The following INTS15 variants were observed in gnomAD, a reference collection of about 807,000 sequenced individuals.
INTS15 encodes uncharacterized protein C7orf26.
chr7:6,591,637 C>G, the INTS15 span: 3 of 1,612,498 alleles, frequency 1.9e-6, no homozygotes, highest in Admixed American at 1.7e-5. Flanking sequence ...TCCGGGATTT[C>G]TTTTGCAGAG....
At chr7:6,604,511 C>G in the INTS15 span, among the ~76,000 whole-genome samples, 1 of 152,046 alleles carries the variant, frequency 6.6e-6, no homozygotes, top group African/African-American at 2.4e-5. Context: ...CCTTCAGAGC[C>G]CTCACACTGG....
chr7:6,604,133 T>G, the INTS15 span, among the ~76,000 whole-genome samples: 1 of 152,214 alleles, frequency 6.6e-6, no homozygotes, highest in African/African-American at 2.4e-5. Flanking sequence ...TGGAGTGCAG[T>G]GGCACGATCT....
At chr7:6,590,573 G>A in the INTS15 span, 12 of 1,395,852 alleles carry the variant, frequency 8.6e-6, no homozygotes, top group African/African-American at 4.6e-5. Context: ...GGCGCCCCAT[G>A]TCCAGGATCC....
the INTS15 span, chr7:6,602,187 G>T: frequency 6.4e-7 from 1 of 1,550,548 alleles, no homozygotes; most frequent in Non-Finnish European, 8.8e-7. Flanking sequence ...CTGGAGCAGG[G>T]TGGAGGGAGG....
the INTS15 span, chr7:6,602,253 A>C: frequency 1.3e-6 from 1 of 799,828 alleles, no homozygotes; most frequent in Admixed American, 2.6e-5. Flanking sequence ...CAGTAAGCAC[A>C]TGATGATAAG....
the INTS15 span, chr7:6,602,538 G>A: frequency 1.5e-5 from 6 of 391,996 alleles, no homozygotes; most frequent in South Asian, 7.7e-5. Flanking sequence ...CAGGCGGCAC[G>A]GACCTGGGTT....
At chr7:6,591,522 C>T in the INTS15 span, 1 of 799,906 alleles carries the variant, frequency 1.3e-6, no homozygotes, top group Non-Finnish European at 2.1e-6. Flanking sequence ...CCTTGGCCTC[C>T]CAAAGTGCTG....
At chr7:6,605,274 C>A in the INTS15 span, among the ~76,000 whole-genome samples, 1 of 152,154 alleles carries the variant, frequency 6.6e-6, no homozygotes, top group Admixed American at 6.6e-5. Flanking sequence ...CAGGCATGAG[C>A]CACTGTACCT....
At chr7:6,594,443 C>A in the INTS15 span, 3 of 1,614,022 alleles carry the variant, frequency 1.9e-6, no homozygotes, top group Non-Finnish European at 2.5e-6. Flanking sequence ...AGCGGACGCC[C>A]GTGGTTTACT....
At chr7:6,602,800 G>T in the INTS15 span, 1 of 468,566 alleles carries the variant, frequency 2.1e-6, no homozygotes, top group Non-Finnish European at 4.4e-6. Context: ...TCCGGGCCTT[G>T]CCACTTCCAA....
chr7:6,604,164 C>T, the INTS15 span, among the ~76,000 whole-genome samples: 4 of 152,142 alleles, frequency 2.6e-5, no homozygotes, highest in Non-Finnish European at 2.9e-5. Context: ...CAAGCCTCTG[C>T]GTCCTGGGCT....
chr7:6,604,568 G>A, the INTS15 span, among the ~76,000 whole-genome samples: 1 of 152,144 alleles, frequency 6.6e-6, no homozygotes, highest in Admixed American at 6.6e-5. Flanking sequence ...TTGGTGAGCA[G>A]TGTGGACAGA....
the INTS15 span, chr7:6,600,028 C>G: frequency 6.2e-7 from 1 of 1,614,134 alleles, no homozygotes; most frequent in Non-Finnish European, 8.5e-7. Context: ...AAAAGAAGCC[C>G]CCCTTATCCA....
the INTS15 span, among the ~76,000 whole-genome samples, chr7:6,598,819 C>G: frequency 2.2e-5 from 3 of 135,296 alleles, no homozygotes; most frequent in Non-Finnish European, 4.6e-5. Context: ...CAGGATCTCA[C>G]TCTGTTGCTC....
the INTS15 span, chr7:6,594,392 T>A: frequency 1.4e-4 from 218 of 1,608,114 alleles, 2 homozygotes; most frequent in Non-Finnish European, 1.7e-6. Context: ...GTCTACTCAC[T>A]CACGACATCT....
the INTS15 span, among the ~76,000 whole-genome samples, chr7:6,604,291 G>A: frequency 6.6e-6 from 1 of 152,140 alleles, no homozygotes; most frequent in Non-Finnish European, 1.5e-5. Context: ...TTACTAACTA[G>A]CAAAGAACTG....
the INTS15 span, chr7:6,602,135 T>C: frequency 6.8e-6 from 11 of 1,612,870 alleles, no homozygotes; most frequent in Non-Finnish European, 9.3e-6. Flanking sequence ...GGCTGCCCCA[T>C]AATAAGTAAG....
At chr7:6,600,011 A>G in the INTS15 span, 1 of 1,614,134 alleles carries the variant, frequency 6.2e-7, no homozygotes, top group Non-Finnish European at 8.5e-7. Flanking sequence ...CCTGGCTTAT[A>G]AAAGGAAAAA....
At chr7:6,598,754 T>C in the INTS15 span, among the ~76,000 whole-genome samples, 29 of 102,852 alleles carry the variant, frequency 2.8e-4, no homozygotes, top group African/African-American at 1.6e-3. Context: ...TGTGTGTGTG[T>C]GTGTGTGTGT....
Sources: gnomAD v4.1 joint callset for allele counts (sites outside exome capture counted in the v4.1 genomes callset) on GRCh38, gnomAD v4.1.1 for gene constraint, MANE v1.5 for transcripts, NCBI Gene and HGNC (gene_info 2026-07-23, HGNC 2026-07-21) for gene names.